PPARGC1A: variants seen among roughly 807,000 people sequenced by gnomAD.
PPARGC1A encodes PPARG coactivator 1 alpha.
A neutral mutation model predicts 88.7 loss-of-function variants in PPARGC1A; 25 were observed. The ratio of observed to expected loss-of-function variants is 0.28; its 90% CI spans 0.21 to 0.39. The LOEUF is 0.39. Ranked by LOEUF, PPARGC1A falls within the 10% of genes least tolerant of loss-of-function variation. The pLI, the probability that PPARGC1A is intolerant of heterozygous loss-of-function variation, is 1.00. For missense variants in PPARGC1A, 880 were observed against 968.7 expected, an observed-to-expected ratio of 0.91 and a Z score of 1.22; for synonymous variants, 363 against 355.6, an observed-to-expected ratio of 1.02 and a Z score of -0.24.
At chr4:24,296,956 T>C in the PPARGC1A span, among the ~76,000 whole-genome samples, 2 of 152,058 alleles carry the variant, frequency 1.3e-5, no homozygotes, top group African/African-American at 4.8e-5. Context: ...AAATGGACGA[T>C]GTGCAGAGGA....
At chr4:24,192,776 A>G in the PPARGC1A span, among the ~76,000 whole-genome samples, 1 of 152,202 alleles carries the variant, frequency 6.6e-6, no homozygotes, top group Non-Finnish European at 1.5e-5. Context: ...TTTTTGCTGT[A>G]TCCTATTTTT....
the PPARGC1A span, among the ~76,000 whole-genome samples, chr4:24,243,444 G>C: frequency 6.6e-6 from 1 of 152,166 alleles, no homozygotes; most frequent in Non-Finnish European, 1.5e-5. Context: ...TTCAGTCAAT[G>C]AACTTGATGA....
chr4:24,449,623 A>G, the PPARGC1A span, among the ~76,000 whole-genome samples: 17 of 152,348 alleles, frequency 1.1e-4, no homozygotes, highest in East Asian at 3.1e-3. Flanking sequence ...TGATTGAAAG[A>G]GTTATAATTT....
chr4:24,009,133 TAA>T, the PPARGC1A span, among the ~76,000 whole-genome samples: 7 of 74,470 alleles, frequency 9.4e-5, no homozygotes, highest in Non-Finnish European at 1.6e-4. Context: ...CCGCAGTCTA[TAA>T]AAAAAAAAAA....
chr4:24,157,620 G>GCATGCCCATCCATCCTGTTGTT, the PPARGC1A span, among the ~76,000 whole-genome samples: 2 of 152,004 alleles, frequency 1.3e-5, no homozygotes, highest in Non-Finnish European at 2.9e-5. Context: ...TCAATAAACA[G>GCATGCCCATCCATCCTGTTGTT]CATGCCCATC....
chr4:24,157,586 G>T, the PPARGC1A span, among the ~76,000 whole-genome samples: 27 of 152,044 alleles, frequency 1.8e-4, no homozygotes, highest in African/African-American at 6.0e-4. Context: ...CCCTGAATAT[G>T]CACCTCCCCA....
chr4:24,258,493 CA>C, the PPARGC1A span, among the ~76,000 whole-genome samples: 88 of 152,278 alleles, frequency 5.8e-4, no homozygotes, highest in Non-Finnish European at 1.1e-3. Flanking sequence ...ATATTAAACA[CA>C]TTTTAGAGTA....
At chr4:23,968,736 G>A in the PPARGC1A span, among the ~76,000 whole-genome samples, 1 of 152,048 alleles carries the variant, frequency 6.6e-6, no homozygotes, top group Non-Finnish European at 1.5e-5. Flanking sequence ...CCAACATGGT[G>A]AAATCACATC....
chr4:23,899,031 G>A (rs1168324078), intron 1 of PPARGC1A, among the ~76,000 whole-genome samples: 25 of 151,792 alleles, frequency 1.6e-4, no homozygotes, highest in Admixed American at 1.3e-3. Flanking sequence ...TAGTAGAGAC[G>A]GGGTTTCACC....
chr4:24,058,386 A>G, the PPARGC1A span, among the ~76,000 whole-genome samples: 1 of 152,176 alleles, frequency 6.6e-6, no homozygotes, highest in African/African-American at 2.4e-5. Context: ...AATCAATTGT[A>G]ATTTGGCACT....
the PPARGC1A span, among the ~76,000 whole-genome samples, chr4:24,339,882 G>A: frequency 1.3e-5 from 2 of 151,974 alleles, no homozygotes; most frequent in African/African-American, 4.8e-5. Flanking sequence ...GGGACTACAG[G>A]CGCCCACCAC....
the PPARGC1A span, among the ~76,000 whole-genome samples, chr4:24,198,633 A>T: frequency 3.7e-4 from 57 of 152,308 alleles, 1 homozygote; most frequent in Middle Eastern, 0.031. Context: ...CCCCTCCAGC[A>T]TTCTCTGTCT....
At chr4:24,356,543 T>C in the PPARGC1A span, among the ~76,000 whole-genome samples, 1 of 152,208 alleles carries the variant, frequency 6.6e-6, no homozygotes, top group African/African-American at 2.4e-5. Flanking sequence ...CATAATACTT[T>C]TAAGTGACCA....
chr4:24,055,291 T>C, the PPARGC1A span, among the ~76,000 whole-genome samples: 1 of 152,194 alleles, frequency 6.6e-6, no homozygotes, highest in African/African-American at 2.4e-5. Flanking sequence ...TTCAGGGTAC[T>C]GTATAATGAC....
chr4:23,837,431 A>T (rs73243614), intron 2 of PPARGC1A, among the ~76,000 whole-genome samples: 1 of 151,406 alleles, frequency 6.6e-6, no homozygotes, highest in Admixed American at 6.6e-5. Context: ...AGAATTCTTC[A>T]AGAAGGTGTT....
the PPARGC1A span, among the ~76,000 whole-genome samples, chr4:24,469,176 C>G: frequency 2.0e-5 from 3 of 152,226 alleles, no homozygotes; most frequent in African/African-American, 7.2e-5. Flanking sequence ...TGGCCCAGGC[C>G]TTCCTATAGC....
the PPARGC1A span, among the ~76,000 whole-genome samples, chr4:24,259,507 G>A: frequency 2.6e-5 from 4 of 152,128 alleles, no homozygotes; most frequent in African/African-American, 9.7e-5. Flanking sequence ...ACATATATGA[G>A]GTGGTCCCAT....
upstream of PPARGC1A, chr4:23,890,258 A>C: frequency 7.2e-5 from 27 of 377,186 alleles, no homozygotes; most frequent in East Asian, 1.1e-4. Flanking sequence ...GAAAGAAAGA[A>C]AGGAAACACT....
chr4:24,212,852 C>T, the PPARGC1A span, among the ~76,000 whole-genome samples: 6 of 152,324 alleles, frequency 3.9e-5, no homozygotes, highest in African/African-American at 1.4e-4. Context: ...ATGGTTGTGT[C>T]CCTTCCTACT....
Sources: allele counts gnomAD v4.1 joint callset (sites outside exome capture counted in the v4.1 genomes callset), GRCh38; gene constraint gnomAD v4.1.1; transcripts MANE v1.5; gene names NCBI Gene and HGNC (gene_info 2026-07-23, HGNC 2026-07-21).